Variants in FHIT observed in about 807,000 individuals in gnomAD.
The protein encoded by FHIT is fragile histidine triad diadenosine triphosphatase.
FHIT carries 19 observed loss-of-function variants against 17.9 expected under a neutral mutation model. That is an observed-to-expected ratio of 1.06 (90% CI 0.74 to 1.56). FHIT has a LOEUF of 1.56. FHIT is among the 40% of genes most tolerant of loss of function. The probability of loss-of-function intolerance (pLI) is 0.00; values close to 1 mark genes in which losing one functional copy is unlikely to be tolerated. For synonymous variants in FHIT, 81 were observed against 69.7 expected, an observed-to-expected ratio of 1.16 and a Z score of -0.81; for missense variants, 248 against 189.2, an observed-to-expected ratio of 1.31 and a Z score of -1.82.
chr3:60,861,415 A>G (rs1444923590), intron 3 of FHIT, among the ~76,000 whole-genome samples: 3 of 150,580 alleles, frequency 2.0e-5, no homozygotes, highest in Non-Finnish European at 4.4e-5. Flanking sequence ...TGTCCTATGC[A>G]TTGTAGGGTG....
chr3:59,845,170 C>G (rs1701673914), intron 8 of FHIT, among the ~76,000 whole-genome samples: 1 of 151,934 alleles, frequency 6.6e-6, no homozygotes, highest in African/African-American at 2.4e-5. Flanking sequence ...TTTTAGACTT[C>G]TGGTTTTTTT....
chr3:60,257,645 G>A (rs1479105464), intron 5 of FHIT, among the ~76,000 whole-genome samples: 1 of 152,114 alleles, frequency 6.6e-6, no homozygotes, highest in Non-Finnish European at 1.5e-5. Flanking sequence ...GGAAGGTGGA[G>A]GTAAAGTAGA....
chr3:60,395,914 T>A (rs1701421917), intron 5 of FHIT, among the ~76,000 whole-genome samples: 1 of 152,142 alleles, frequency 6.6e-6, no homozygotes, highest in African/African-American at 2.4e-5. Flanking sequence ...TTAGATTCCA[T>A]CCTTAAAAAG....
rs1306930514 is a variant in FHIT, at chr3:61,146,583, T to C, written c.-164+54034A>G. Among the ~76,000 whole-genome samples the C allele has an allele frequency of 2.6e-5, 4 of 152,098 alleles. No individual in the cohort carries two copies. The East Asian group carries it at 7.7e-4, about 29-fold the overall frequency. On this transcript the variant is annotated intron_variant, in intron 2 of 9. Coordinates refer to ENST00000492590, the MANE Select transcript of FHIT (RefSeq NM_002012.4). ...CAGCCCATAGAAGATTGCTTTAAAC[T>C]ACAGAATCTGCTTGGTCATACAATA...
intron 2 of FHIT, among the ~76,000 whole-genome samples, chr3:61,073,485 T>C (rs1475976009): frequency 2.0e-5 from 3 of 152,224 alleles, no homozygotes; most frequent in Non-Finnish European, 1.5e-5. Flanking sequence ...GCCTGAGCTA[T>C]GCTTAGATAT....
At chr3:60,602,130 A>G (rs2038463723) in intron 4 of FHIT, among the ~76,000 whole-genome samples, 1 of 152,350 alleles carries the variant, frequency 6.6e-6, no homozygotes, top group African/African-American at 2.4e-5. Flanking sequence ...CTCAGTTTTC[A>G]CACAAAACAT....
chr3:60,495,572 T>TA (rs567530636), intron 5 of FHIT, among the ~76,000 whole-genome samples: 4 of 151,650 alleles, frequency 2.6e-5, no homozygotes, highest in Non-Finnish European at 4.4e-5. Context: ...ACATATGCAT[T>TA]AAAAAAAAGA....
At position 60,226,493 on chromosome 3, in the gene FHIT, A is replaced by AAAAAAAAC. The variant is rs200934161; in HGVS notation, c.104-212342_104-212341insGTTTTTTT. 1.4e-4 allele frequency among the ~76,000 whole-genome samples: 21 copies of AAAAAAAAC among 147,136 alleles called. 1 individual carries two copies. Among genetic ancestry groups the AAAAAAAAC allele is most frequent in the African/African-American group, 5.3e-4 (20 of 37,764 alleles). On this transcript the variant is annotated intron_variant, in intron 5 of 9. Transcript: ENST00000492590. The stretch of plus-strand genomic sequence containing the variant: ...GTCTCAAAAAAAAAAAAAAAAAAAA[A>AAAAAAAAC]ACACTGCCTGCCTGCACTATACTAA...
intron 5 of FHIT, among the ~76,000 whole-genome samples, chr3:60,517,118 T>C (rs1173254487): frequency 6.6e-6 from 1 of 152,206 alleles, no homozygotes; most frequent in Non-Finnish European, 1.5e-5. Context: ...AAGGTATCTC[T>C]TAATGACAAA....
chr3:60,077,143 A>T (rs1458203421), intron 5 of FHIT, among the ~76,000 whole-genome samples: 1 of 152,044 alleles, frequency 6.6e-6, no homozygotes, highest in Non-Finnish European at 1.5e-5. Context: ...TCATTCAAGG[A>T]CTCTGAAGTA....
intron 4 of FHIT, among the ~76,000 whole-genome samples, chr3:60,572,451 T>C (rs1420500829): frequency 6.6e-6 from 1 of 151,774 alleles, no homozygotes; most frequent in Non-Finnish European, 1.5e-5. Flanking sequence ...ACAAATAAGA[T>C]AGGAAAAAAA....
At chr3:60,015,479 A>T (rs1359372792) in intron 5 of FHIT, among the ~76,000 whole-genome samples, 1 of 152,142 alleles carries the variant, frequency 6.6e-6, no homozygotes, top group Non-Finnish European at 1.5e-5. Context: ...GGCCCGCTTT[A>T]TTATCATGGG....
intron 5 of FHIT, among the ~76,000 whole-genome samples, chr3:60,230,561 C>A (rs138350143): frequency 1.3e-5 from 2 of 152,286 alleles, no homozygotes; most frequent in South Asian, 4.1e-4. Context: ...AAGCTCACTG[C>A]ATCTCAGTTT....
At chr3:60,106,776 G>A (rs766385724) in intron 5 of FHIT, among the ~76,000 whole-genome samples, 3 of 152,154 alleles carry the variant, frequency 2.0e-5, no homozygotes, top group Non-Finnish European at 4.4e-5. Context: ...ATTGATGGAC[G>A]GCAGGAAACG....
chr3:60,353,368 CA>C, intron 5 of FHIT, among the ~76,000 whole-genome samples: 1 of 152,184 alleles, frequency 6.6e-6, no homozygotes, highest in East Asian at 1.9e-4. Context: ...AAGTATACTA[CA>C]TATCAAGTGC....
At chr3:61,207,913 G>A (rs1308490910) in intron 1 of FHIT, among the ~76,000 whole-genome samples, 2 of 151,960 alleles carry the variant, frequency 1.3e-5, no homozygotes, top group Non-Finnish European at 2.9e-5. Context: ...TGTTAGGGTG[G>A]CACTTTTAGA....
At chr3:59,909,703 G>C (rs1251636911) in intron 8 of FHIT, among the ~76,000 whole-genome samples, 3 of 152,082 alleles carry the variant, frequency 2.0e-5, no homozygotes, top group Non-Finnish European at 4.4e-5. Flanking sequence ...TTTCCCATGA[G>C]GTTTTGATCA....
rs531341828 is a variant in FHIT at position 61,133,000 on chromosome 3, G to A, written c.-164+67617C>T. Among the ~76,000 whole-genome samples the A allele has an allele frequency of 4.6e-5, 7 of 152,252 alleles. No homozygotes were observed. In the South Asian group the frequency reaches 1.5e-3, roughly 32 times the overall value. ...GAATATAGAAAACAGGCATTTCACA[G>A]GCAAAAATCAATGGTAGTTGGCGAC... On this transcript the variant is annotated intron_variant, in intron 2 of 9. Coordinates refer to ENST00000492590, the MANE Select transcript of FHIT (RefSeq NM_002012.4).
At chr3:59,818,259 G>A (rs1700671913) in intron 8 of FHIT, among the ~76,000 whole-genome samples, 1 of 152,124 alleles carries the variant, frequency 6.6e-6, no homozygotes, top group South Asian at 2.1e-4. Flanking sequence ...ACGTGGGGCT[G>A]TGCAAGCCAG....
Sources: allele counts gnomAD v4.1 joint callset (sites outside exome capture counted in the v4.1 genomes callset), GRCh38; gene constraint gnomAD v4.1.1; transcripts MANE v1.5; gene names NCBI Gene and HGNC (gene_info 2026-07-23, HGNC 2026-07-21).